CLVS1: variants seen among roughly 807,000 people sequenced by gnomAD.
CLVS1 encodes clavesin-1.
A neutral mutation model predicts 33.1 loss-of-function variants in CLVS1; 10 were observed. The observed-to-expected ratio is 0.30, with a 90% CI of 0.19 to 0.51. The LOEUF is 0.51. Ranked by LOEUF, CLVS1 falls within the 20% of genes least tolerant of loss-of-function variation. The pLI is 0.97. For synonymous variants in CLVS1, 163 were observed against 166.1 expected, an observed-to-expected ratio of 0.98 and a Z score of 0.14; for missense variants, 343 against 433.4, an observed-to-expected ratio of 0.79 and a Z score of 1.85.
At chr8:61,237,981 G>C (rs1808604202) in intron 2 of CLVS1, among the ~76,000 whole-genome samples, 1 of 152,144 alleles carries the variant, frequency 6.6e-6, no homozygotes, top group Non-Finnish European at 1.5e-5. Flanking sequence ...CCAAGCCGAG[G>C]CTGAATTAGC....
chr8:61,284,778 ATATT>A (rs775320362), upstream of CLVS1, among the ~76,000 whole-genome samples: 1 of 152,220 alleles, frequency 6.6e-6, no homozygotes, highest in Non-Finnish European at 1.5e-5. Context: ...TTAAAACTAA[ATATT>A]TATGCCAAGA....
intron 2 of CLVS1, among the ~76,000 whole-genome samples, chr8:61,323,067 A>G (rs1015534445): frequency 1.3e-5 from 2 of 152,048 alleles, no homozygotes; most frequent in Non-Finnish European, 2.9e-5. Flanking sequence ...ATTGCTACAT[A>G]TTATTGCTTG....
the CLVS1 span, among the ~76,000 whole-genome samples, chr8:61,050,977 C>G: frequency 6.6e-6 from 1 of 152,212 alleles, no homozygotes; most frequent in Non-Finnish European, 1.5e-5. Flanking sequence ...CTTGGGAGGG[C>G]AGAGATTTCC....
intron 2 of CLVS1, among the ~76,000 whole-genome samples, chr8:61,273,659 A>G (rs1439361336): frequency 1.3e-5 from 2 of 150,730 alleles, no homozygotes; most frequent in Non-Finnish European, 3.0e-5. Flanking sequence ...TGGGCGTAGG[A>G]CCCTCCGAGC....
intron 2 of CLVS1, among the ~76,000 whole-genome samples, chr8:61,162,434 T>C (rs184315237): frequency 4.6e-5 from 7 of 152,330 alleles, no homozygotes; most frequent in Non-Finnish European, 7.3e-5. Flanking sequence ...CCACTCTTGC[T>C]CCTTTGGAAT....
At chr8:61,422,932 C>G (rs570949004) in intron 3 of CLVS1, among the ~76,000 whole-genome samples, 4 of 152,012 alleles carry the variant, frequency 2.6e-5, no homozygotes, top group African/African-American at 9.7e-5. Flanking sequence ...GCCCCTTCCC[C>G]GGTGGACTGT....
At chr8:61,336,452 A>G (rs937264063) in intron 2 of CLVS1, among the ~76,000 whole-genome samples, 2 of 152,274 alleles carry the variant, frequency 1.3e-5, no homozygotes, top group African/African-American at 4.8e-5. Flanking sequence ...GTTTGGCATC[A>G]TGCTTCTTCC....
intron 2 of CLVS1, among the ~76,000 whole-genome samples, chr8:61,133,976 A>G (rs1806146348): frequency 6.6e-6 from 1 of 152,122 alleles, no homozygotes; most frequent in African/African-American, 2.4e-5. Context: ...GTGGTTGGGT[A>G]TGAGAGGTTG....
chr8:61,063,447 G>GACCTGTGC (rs1300025870), intron 1 of CLVS1, among the ~76,000 whole-genome samples: 1 of 152,094 alleles, frequency 6.6e-6, no homozygotes, highest in Non-Finnish European at 1.5e-5. Context: ...CAGAGACAGG[G>GACCTGTGC]ACCTGTGCAC....
chr8:61,461,681 G>A (rs892023299), intron 5 of CLVS1, among the ~76,000 whole-genome samples: 1 of 152,164 alleles, frequency 6.6e-6, no homozygotes, highest in Admixed American at 6.5e-5. Context: ...TTCTAAACAA[G>A]ATTCAATAAA....
At chr8:61,399,292 T>C (rs2581545) in intron 3 of CLVS1, among the ~76,000 whole-genome samples, 1 of 152,230 alleles carries the variant, frequency 6.6e-6, no homozygotes, top group Non-Finnish European at 1.5e-5. Flanking sequence ...TGATCAGTGA[T>C]GTTAAGCTGT....
intron 3 of CLVS1, among the ~76,000 whole-genome samples, chr8:61,397,380 A>G (rs564948773): frequency 1.3e-5 from 2 of 152,222 alleles, no homozygotes; most frequent in South Asian, 2.1e-4. Context: ...ATCTTGTGCC[A>G]ACTTTTAATT....
chr8:61,234,573 G>T (rs186976664), intron 2 of CLVS1, among the ~76,000 whole-genome samples: 2 of 152,038 alleles, frequency 1.3e-5, no homozygotes, highest in Non-Finnish European at 2.9e-5. Context: ...ACGCTATCCC[G>T]TTGCACCCTC....
At chr8:60,996,084 G>A in the CLVS1 span, among the ~76,000 whole-genome samples, 1 of 152,044 alleles carries the variant, frequency 6.6e-6, no homozygotes, top group African/African-American at 2.4e-5. Flanking sequence ...AGTGGGTGCA[G>A]CGCACCAGCA....
At chr8:61,380,328 G>A (rs1241912653) in intron 3 of CLVS1, among the ~76,000 whole-genome samples, 1 of 152,108 alleles carries the variant, frequency 6.6e-6, no homozygotes, top group Non-Finnish European at 1.5e-5. Flanking sequence ...CCCTTCACAG[G>A]CTTATTAATG....
At chr8:61,299,641 T>G in intron 1 of CLVS1, 36 bp from the exon 2 acceptor site, 1 of 571,402 alleles carries the variant, frequency 1.8e-6, no homozygotes, top group East Asian at 2.8e-5. Context: ...TTGTATCATC[T>G]CTCTTCTGTT....
At chr8:61,400,884 A>G (rs1814721952) in intron 3 of CLVS1, among the ~76,000 whole-genome samples, 1 of 152,124 alleles carries the variant, frequency 6.6e-6, no homozygotes, top group Non-Finnish European at 1.5e-5. Flanking sequence ...GATGAAGCCT[A>G]CTTGATTGTG....
intron 2 of CLVS1, among the ~76,000 whole-genome samples, chr8:61,225,745 A>T (rs1350391868): frequency 6.6e-6 from 1 of 152,250 alleles, no homozygotes; most frequent in Non-Finnish European, 1.5e-5. Context: ...TATTTCAGGC[A>T]ATTTGCACAA....
chr8:61,375,435 G>A (rs905418690), intron 2 of CLVS1, among the ~76,000 whole-genome samples: 25 of 152,130 alleles, frequency 1.6e-4, no homozygotes, highest in African/African-American at 4.3e-4. Context: ...ATTTTTAGTC[G>A]AGACGGGGTT....
Sources: gnomAD v4.1 joint callset for allele counts (sites outside exome capture counted in the v4.1 genomes callset) on GRCh38, gnomAD v4.1.1 for gene constraint, MANE v1.5 for transcripts, NCBI Gene and HGNC (gene_info 2026-07-23, HGNC 2026-07-21) for gene names.